FOXP1: variants seen among roughly 807,000 people sequenced by gnomAD.
FOXP1 encodes the protein forkhead box P1, also known as forkhead box protein P1.
A neutral mutation model predicts 98.2 loss-of-function variants in FOXP1; 15 were observed. That is an observed-to-expected ratio of 0.15 (90% CI 0.10 to 0.24). The LOEUF (loss-of-function observed/expected upper bound fraction) is 0.24. FOXP1 is among the 10% of genes least tolerant of loss of function. The probability of loss-of-function intolerance (pLI) is 1.00; values close to 1 mark genes in which losing one functional copy is unlikely to be tolerated. For missense variants in FOXP1, 633 were observed against 848.5 expected (o/e 0.75, Z 3.15); for synonymous variants, 371 against 314.5 (o/e 1.18, Z -1.90).
chr3:70,972,931 A>G (rs1436546089), intron 17 of FOXP1, among the ~76,000 whole-genome samples: 1 of 152,230 alleles, frequency 6.6e-6, no homozygotes, highest in Non-Finnish European at 1.5e-5. Context: ...ATATTTTTTA[A>G]TATGCATACA....
In FOXP1 at chr3:71,581,680, C is replaced by G; in HGVS notation, c.-429G>C. On this transcript the variant is annotated 5_prime_UTR_variant, in exon 2 of 21. Coordinates refer to ENST00000649528, the MANE Select transcript of FOXP1 (RefSeq NM_001349338.3). ...CTCGCTCGCCGCGCGCTCTCTTCCT[C>G]TTACAAACTTTCGGGTTCTGCAGTC... The G allele has an allele frequency of 6.1e-6, 6 of 985,808 alleles. No individual in the cohort carries two copies. The highest frequency in any genetic ancestry group is 7.2e-6 in the Non-Finnish European group (6 of 830,104). The allele number at this position is 985,808 out of a possible 1,614,324, so 61.1% of individuals were successfully genotyped here.
chr3:71,531,184 G>C (rs2043817791), intron 2 of FOXP1, among the ~76,000 whole-genome samples: 1 of 152,234 alleles, frequency 6.6e-6, no homozygotes. Context: ...TCAGTGCAAT[G>C]CTCAGGCAAA....
At chr3:71,259,638 G>A (rs1222085591) in intron 5 of FOXP1, among the ~76,000 whole-genome samples, 3 of 152,188 alleles carry the variant, frequency 2.0e-5, no homozygotes, top group Non-Finnish European at 4.4e-5. Context: ...GGTTTGTGAT[G>A]AGTAATGATA....
At chr3:71,031,448 G>C (rs576455452) in intron 11 of FOXP1, among the ~76,000 whole-genome samples, 1 of 152,232 alleles carries the variant, frequency 6.6e-6, no homozygotes, top group South Asian at 2.1e-4. Flanking sequence ...AACAAGCCTT[G>C]GGTATATAAA....
chr3:71,127,316 A>G (rs947997411), intron 6 of FOXP1, among the ~76,000 whole-genome samples: 1 of 152,238 alleles, frequency 6.6e-6, no homozygotes, highest in Non-Finnish European at 1.5e-5. Flanking sequence ...AGCGCCCATA[A>G]GCAGTACTGT....
chr3:70,992,823 G>A (rs2040812077), intron 13 of FOXP1, among the ~76,000 whole-genome samples: 1 of 152,122 alleles, frequency 6.6e-6, no homozygotes, highest in African/African-American at 2.4e-5. Flanking sequence ...AGAAGGACAT[G>A]GAAGTGAGAA....
At chr3:71,164,991 A>C (rs1411356394) in intron 6 of FOXP1, among the ~76,000 whole-genome samples, 1 of 152,198 alleles carries the variant, frequency 6.6e-6, no homozygotes, top group East Asian at 1.9e-4. Flanking sequence ...GCCCTTAAAC[A>C]AATTTACATA....
chr3:71,009,415 G>T (rs2043262432), intron 12 of FOXP1, among the ~76,000 whole-genome samples: 1 of 152,088 alleles, frequency 6.6e-6, no homozygotes, highest in South Asian at 2.1e-4. Flanking sequence ...AAGTCGAGTT[G>T]CTGTGACAGA....
At chr3:71,271,485 G>T (rs1189663560) in intron 5 of FOXP1, among the ~76,000 whole-genome samples, 1 of 152,088 alleles carries the variant, frequency 6.6e-6, no homozygotes, top group East Asian at 1.9e-4. Flanking sequence ...CAGATTTCAG[G>T]AAAAAAGCAA....
rs572977361 is a variant in FOXP1 at position 70,960,644 on chromosome 3, G to A, written c.1890-1253C>T. Among the ~76,000 whole-genome samples the A allele has an allele frequency of 2.6e-5, 4 of 152,160 alleles. No homozygotes were observed. In the South Asian group the frequency reaches 8.3e-4, roughly 32 times the overall value. On this transcript the variant is annotated intron_variant, in intron 20 of 20. Transcript: ENST00000649528. ...CGTTATCAAGTATTAGTAATAAGAG[G>A]TGGTAATGGGGATGGTTGGCTTCCT... is the stretch of plus-strand genomic sequence containing the variant.
chr3:71,563,328 T>G (rs1204985758), intron 2 of FOXP1, among the ~76,000 whole-genome samples: 1 of 152,110 alleles, frequency 6.6e-6, no homozygotes, highest in Non-Finnish European at 1.5e-5. Flanking sequence ...AAAGGGCACA[T>G]GGAGAGGCCC....
intron 2 of FOXP1, chr3:71,572,960 T>C (rs1414045727): frequency 6.6e-6 from 1 of 152,208 alleles, no homozygotes; most frequent in Non-Finnish European, 1.5e-5. Flanking sequence ...CAGAACAAAA[T>C]GCTTGAGACC....
At chr3:71,474,440 C>T (rs1333823004) in intron 3 of FOXP1, among the ~76,000 whole-genome samples, 1 of 152,134 alleles carries the variant, frequency 6.6e-6, no homozygotes, top group East Asian at 1.9e-4. Flanking sequence ...CCCCAGTCCC[C>T]GGGCCACAGA....
intron 6 of FOXP1, among the ~76,000 whole-genome samples, chr3:71,191,115 GGTT>G (rs1213993043): frequency 7.2e-4 from 109 of 152,130 alleles, no homozygotes; most frequent in African/African-American, 2.4e-3. Flanking sequence ...GCGAGCTATA[GGTT>G]TACATTATAT....
chr3:71,248,937 T>A (rs968196163), intron 5 of FOXP1, among the ~76,000 whole-genome samples: 8 of 151,892 alleles, frequency 5.3e-5, no homozygotes, highest in Non-Finnish European at 1.0e-4. Context: ...AAAAAGCCAG[T>A]GGGAAGGGTA....
At chr3:71,331,949 C>T (rs1261809014) in intron 4 of FOXP1, among the ~76,000 whole-genome samples, 1 of 152,166 alleles carries the variant, frequency 6.6e-6, no homozygotes, top group African/African-American at 2.4e-5. Context: ...AATCAGCACC[C>T]TGTCAACATG....
chr3:71,443,655 A>G (rs1424610394), intron 3 of FOXP1, among the ~76,000 whole-genome samples: 1 of 152,200 alleles, frequency 6.6e-6, no homozygotes, highest in Non-Finnish European at 1.5e-5. Flanking sequence ...ACAGGGCCCC[A>G]GAACCTGCAT....
At chr3:71,239,886 C>A (rs1243918660) in intron 5 of FOXP1, among the ~76,000 whole-genome samples, 1 of 152,140 alleles carries the variant, frequency 6.6e-6, no homozygotes, top group Non-Finnish European at 1.5e-5. Flanking sequence ...TGAGTGAGCC[C>A]TATGTACAAT....
At chr3:71,456,821 T>C (rs2087557106) in intron 3 of FOXP1, among the ~76,000 whole-genome samples, 1 of 149,380 alleles carries the variant, frequency 6.7e-6, no homozygotes, top group South Asian at 2.1e-4. Context: ...TTTTTTTTTT[T>C]CTGTGATATA....
Sources: gnomAD v4.1 joint callset for allele counts (sites outside exome capture counted in the v4.1 genomes callset) on GRCh38, gnomAD v4.1.1 for gene constraint, MANE v1.5 for transcripts, NCBI Gene and HGNC (gene_info 2026-07-23, HGNC 2026-07-21) for gene names.